CR2: variants seen among roughly 807,000 people sequenced by gnomAD.
CR2 encodes complement C3d receptor 2.
In CR2, 96 loss-of-function variants were observed where a neutral mutation model predicts 123.0. That is an observed-to-expected ratio of 0.78 (90% confidence interval 0.66 to 0.93). CR2 has a LOEUF of 0.93. CR2 is among the 40% of genes least tolerant of loss of function. The probability of loss-of-function intolerance (pLI) is 0.00; values close to 1 mark genes in which losing one functional copy is unlikely to be tolerated. For synonymous variants in CR2, 484 were observed against 469.5 expected (o/e 1.03, Z -0.40); for missense variants, 1,258 against 1,361.0 (o/e 0.92, Z 1.19).
intron 16 of CR2, among the ~76,000 whole-genome samples, chr1:207,478,525 CAAAAA>C (rs36116544): frequency 4.4e-4 from 26 of 58,736 alleles, no homozygotes; most frequent in African/African-American, 1.2e-3. Context: ...AAGACCCTAT[CAAAAA>C]AAAAAAAAAA....
intron 1 of CR2, 152 bp from the exon 2 acceptor site, chr1:207,466,374 G>C: frequency 2.3e-6 from 2 of 853,276 alleles, no homozygotes; most frequent in South Asian, 3.2e-5. Context: ...GAATTTAGGA[G>C]TTTGGGAGTA....
At chr1:207,487,787 A>G (rs1009975984) in intron 19 of CR2, among the ~76,000 whole-genome samples, 11 of 152,200 alleles carry the variant, frequency 7.2e-5, no homozygotes, top group Admixed American at 5.2e-4. Flanking sequence ...CAGATTAAGC[A>G]GAGGAGCTCC....
chr1:207,473,526 A>G lies in CR2; in HGVS notation c.1979-19A>G, dbSNP rs370516718. 3.7e-6 allele frequency: 6 copies of G among 1,608,876 alleles called. No homozygotes were observed. Among genetic ancestry groups the G allele is most frequent in the Non-Finnish European group, 5.1e-6 (6 of 1,175,494 alleles). On this transcript the variant is annotated intron_variant, in intron 10 of 19. Coordinates refer to ENST00000367057, the MANE Select transcript of CR2 (RefSeq NM_001006658.3). ...AATTCCTCTGTGTTGGTATTTATGT[A>G]GGGAGTTTTTCTCTTCAGGCTGCCA...
chr1:207,474,512 T>G (rs1658380034), intron 13 of CR2, among the ~76,000 whole-genome samples, 189 bp downstream of exon 13: 1 of 152,214 alleles, frequency 6.6e-6, no homozygotes, highest in Non-Finnish European at 1.5e-5. Flanking sequence ...GGAACTGTTT[T>G]TCATGCATCT....
chr1:207,473,502 A>G, intron 10 of CR2, 43 bp from the exon 11 acceptor site: 8 of 1,582,122 alleles, frequency 5.1e-6, no homozygotes, highest in Non-Finnish European at 6.9e-6. Flanking sequence ...TTGAGTAGAA[A>G]TTCCTCTGTG....
At chr1:207,459,546 T>C (rs991212715) in intron 1 of CR2, among the ~76,000 whole-genome samples, 1 of 152,246 alleles carries the variant, frequency 6.6e-6, no homozygotes, top group African/African-American at 2.4e-5. Flanking sequence ...CAAATGGATT[T>C]CCAAGCCATT....
chr1:207,466,818 C>T lies in CR2; in HGVS notation c.351C>T (p.Ala117=), dbSNP rs1376594067. 2.5e-6 allele frequency: 4 copies of T among 1,613,690 alleles called. No homozygotes were observed. The East Asian group carries it at 6.7e-5, about 27-fold the overall frequency. ...GACATGGTGATTCTGTGACATTTGC[C>T]TGTAAAACCAACTTCTCCATGAACG... ...PYRHGDSVTF[A]CKTNFSMNGN... is the part of the protein sequence containing the mutation. Residue 117 remains alanine, a synonymous_variant, in exon 2 of 20, where the codon GCC becomes GCT. Transcript: ENST00000367057.
chr1:207,474,815 C>T lies in CR2; in HGVS notation c.2324-9C>T. ...AGCTGAAGTAGAACTCCCTAAATCT[C>T]TTCTGCAGTTATTCACTGTCACCCT... On this transcript the variant is annotated splice_polypyrimidine_tract_variant and intron_variant, in intron 13 of 19. Coordinates refer to ENST00000367057, the MANE Select transcript of CR2 (RefSeq NM_001006658.3). The T allele has an allele frequency of 6.2e-7, 1 of 1,613,936 alleles. No individual in the cohort carries two copies. Among genetic ancestry groups the T allele is most frequent in the Non-Finnish European group, 8.5e-7 (1 of 1,179,888 alleles).
Position 207,468,787 on chromosome 1 carries a change from G to C in CR2, c.635-13G>C. ...ATTTGCCATGCATTTCTCATCTTTGGTTTGTTTTTTAGAGGCACGCTGTAA... is the reference window on the plus strand; with the variant it reads ...ATTTGCCATGCATTTCTCATCTTTGCTTTGTTTTTTAGAGGCACGCTGTAA... On this transcript the variant is annotated splice_polypyrimidine_tract_variant and intron_variant, in intron 3 of 19. Coordinates refer to ENST00000367057, the MANE Select transcript of CR2 (RefSeq NM_001006658.3). 1 of 1,613,942 alleles carries C rather than the reference G, an allele frequency of 6.2e-7. No individual in the cohort carries two copies. The highest frequency in any genetic ancestry group is 8.5e-7 in the Non-Finnish European group (1 of 1,179,898).
intron 2 of CR2, 146 bp from the exon 3 acceptor site, chr1:207,468,381 G>C: frequency 2.8e-6 from 2 of 722,164 alleles, no homozygotes; most frequent in East Asian, 5.4e-5. Context: ...GCTATCATTA[G>C]TGTTAGCGTA....
rs774632103 is a variant in CR2 at position 207,485,570 on chromosome 1, G to C, written c.*16G>C. On this transcript the variant is annotated splice_region_variant and 3_prime_UTR_variant, in exon 19 of 20. Coordinates refer to ENST00000367057, the MANE Select transcript of CR2 (RefSeq NM_001006658.3). The stretch of plus-strand genomic sequence containing the variant: ...AGCCAGCTGATCAGAAGACAAACTG[G>C]TGGTATGTAATGAAATGGAATATTA... 2.0e-6 allele frequency: 3 copies of C among 1,516,276 alleles called. No individual in the cohort carries two copies. Among genetic ancestry groups the C allele is most frequent in the South Asian group, 1.1e-5 (1 of 89,132 alleles). 93.9% of individuals were successfully genotyped at this position (1,516,276 alleles called of 1,614,324 possible). A position where few individuals can be genotyped will look rare whatever the true frequency, so the allele number is the denominator to read the frequency against.
Position 207,454,673 on chromosome 1 carries a change from G to A in CR2, c.58+197G>A. On this transcript the variant is annotated intron_variant, in intron 1 of 19. Transcript: ENST00000367057. The surrounding 1 kb of genome is among the most constrained non-coding windows in gnomAD (Gnocchi z 4.3). Reference sequence around the variant, plus strand: ...GTCCCCACTGGCCCCTCCGGGAGCTGGGACCTCCAGAATTGGAGGCTGCGC... The same window carrying A: ...GTCCCCACTGGCCCCTCCGGGAGCTAGGACCTCCAGAATTGGAGGCTGCGC... The A allele has an allele frequency of 1.9e-6, 1 of 520,084 alleles. No homozygotes were observed. The highest frequency in any genetic ancestry group is 3.4e-6 in the Non-Finnish European group (1 of 296,204). 32.2% of individuals were successfully genotyped at this position (520,084 alleles called of 1,614,324 possible).
At position 207,454,452 on chromosome 1, in the gene CR2, G is replaced by T. The variant is rs1657777792; in HGVS notation, c.34G>T (p.Ala12Ser). 6.3e-7 allele frequency: 1 copy of T among 1,582,250 alleles called. No homozygotes were observed. Among genetic ancestry groups the T allele is most frequent in the East Asian group, 2.3e-5 (1 of 43,524 alleles). Reference sequence around the variant, plus strand: ...CGCGGGCCTGCTCGGGGTTTTCTTGGCTCTCGTCGCACCGGGGGTCCTCGG... The same window carrying T: ...CGCGGGCCTGCTCGGGGTTTTCTTGTCTCTCGTCGCACCGGGGGTCCTCGG... Reference protein sequence around the residue: ...GAAGLLGVFLALVAPGVLGIS... With the variant: ...GAAGLLGVFLSLVAPGVLGIS... The change falls in exon 1 of 20, where the codon GCT (alanine) becomes TCT (serine). Residue 12 changes from alanine to serine, a missense_variant. Transcript: ENST00000367057. The surrounding 1 kb of genome is among the most constrained non-coding windows in gnomAD (Gnocchi z 4.3).
At position 207,468,904 on chromosome 1, in the gene CR2, G is replaced by A. The variant is rs1658186322; in HGVS notation, c.734+5G>A. 6.2e-7 allele frequency: 1 copy of A among 1,612,866 alleles called. No individual in the cohort carries two copies. The highest frequency in any genetic ancestry group is 1.3e-5 in the African/African-American group (1 of 74,876). On this transcript the variant is annotated splice_donor_5th_base_variant and intron_variant, in intron 4 of 19. Transcript: ENST00000367057. ...AAACTTTTTCTGTGATGAAGGGTGA[G>A]TGTCAGGATTATTTATGAGATTTAA...
chr1:207,466,915 G>A lies in CR2; in HGVS notation c.445+3G>A, dbSNP rs986427524. On this transcript the variant is annotated splice_donor_region_variant and intron_variant, in intron 2 of 19. Coordinates refer to ENST00000367057, the MANE Select transcript of CR2 (RefSeq NM_001006658.3). ...ACGACTACCAACCTGTGTAAGTGGT[G>A]AGTATGAAAAGAAAGCTGGGTTGGG... The A allele has an allele frequency of 3.8e-6, 6 of 1,580,510 alleles. No individual in the cohort carries two copies. The African/African-American group carries it at 6.8e-5, about 18-fold the overall frequency.
Position 207,474,847 on chromosome 1 carries a change from G to C in CR2, c.2347G>C (p.Val783Leu), listed in dbSNP as rs766329301. The C allele has an allele frequency of 5.6e-6, 9 of 1,614,030 alleles. No individual in the cohort carries two copies. The South Asian group carries it at 8.8e-5, about 16-fold the overall frequency. ...AGTTATTCACTGTCACCCTCCACCA[G>C]TGATTGTCAATGGGAAGCACACAGG... ...CKVIHCHPPP[V>L]IVNGKHTGMM... The change falls in exon 14 of 20, where the codon GTG (valine) becomes CTG (leucine). Residue 783 changes from valine to leucine, a missense_variant. Val to Leu is a conservative substitution (Grantham distance 32, BLOSUM62 1). Transcript: ENST00000367057.
chr1:207,469,838 A>G lies in CR2; in HGVS notation c.961A>G (p.Ser321Gly), dbSNP rs766696566. The change falls in exon 6 of 20, where the codon AGC becomes GGC. Residue 321 changes from serine (S) to glycine (G), a missense_variant. Transcript: ENST00000367057. The part of the protein sequence containing the change: ...EGVNFILIGE[S>G]TLRCTVDSQK... The stretch of plus-strand genomic sequence containing the variant: ...AGTGAACTTCATCCTTATTGGAGAG[A>G]GCACTCTCCGTTGTACAGTTGATAG... The G allele has an allele frequency of 6.2e-7, 1 of 1,613,962 alleles. No individual in the cohort carries two copies. Among genetic ancestry groups the G allele is most frequent in the Non-Finnish European group, 8.5e-7 (1 of 1,179,940 alleles).
rs1287052782 is a variant in CR2, at chr1:207,489,150, A to G, written c.*27A>G. ...GAAATGATCTATTTCAGTGTGCCTC[A>G]TTGCTTGGAATTCAGCGGAATATTG... is the stretch of plus-strand genomic sequence containing the variant. On this transcript the variant is annotated 3_prime_UTR_variant, in exon 20 of 20. Coordinates refer to ENST00000367057, the MANE Select transcript of CR2 (RefSeq NM_001006658.3). 6.6e-6 allele frequency: 1 copy of G among 152,248 alleles called. No individual in the cohort carries two copies. Among genetic ancestry groups the G allele is most frequent in the East Asian group, 1.9e-4 (1 of 5,192 alleles). The allele number at this position is 152,248 out of a possible 1,614,324, so 9.4% of individuals were successfully genotyped here. A position where few individuals can be genotyped will look rare whatever the true frequency, so the allele number is the denominator to read the frequency against.
chr1:207,456,480 G>A (rs1028896578), intron 1 of CR2, among the ~76,000 whole-genome samples: 2 of 152,212 alleles, frequency 1.3e-5, no homozygotes, highest in Admixed American at 1.3e-4. Flanking sequence ...TCTGCAACAA[G>A]TATCTATAGG....
Sources: allele counts gnomAD v4.1 joint callset (sites outside exome capture counted in the v4.1 genomes callset), GRCh38; gene constraint gnomAD v4.1.1; non-coding constraint Gnocchi (gnomAD v3.1); transcripts MANE v1.5; gene names NCBI Gene and HGNC (gene_info 2026-07-23, HGNC 2026-07-21).